RHOBTB3: variants seen among roughly 807,000 people sequenced by gnomAD.
RHOBTB3 encodes the protein Rho related BTB domain containing 3, also known as rho-related BTB domain-containing protein 3.
In RHOBTB3, 47 loss-of-function variants were observed where a neutral mutation model predicts 67.2. The ratio of observed to expected loss-of-function variants is 0.70; its 90% CI spans 0.55 to 0.89. The LOEUF (loss-of-function observed/expected upper bound fraction) is 0.89, where lower values mean the gene tolerates loss of function less well. Ranked by LOEUF, RHOBTB3 falls within the 40% of genes least tolerant of loss-of-function variation. RHOBTB3 has a pLI of 0.00. For synonymous variants in RHOBTB3, 273 were observed against 274.2 expected (o/e 1.00, Z 0.04); for missense variants, 631 against 750.0 (o/e 0.84, Z 1.85).
At chr5:95,750,734 G>C (rs1048239610) in intron 4 of RHOBTB3, among the ~76,000 whole-genome samples, 9 of 152,162 alleles carry the variant, frequency 5.9e-5, no homozygotes, top group African/African-American at 1.9e-4. Flanking sequence ...AGGCCTGCGG[G>C]GTGGCCAAAG....
intron 7 of RHOBTB3, among the ~76,000 whole-genome samples, chr5:95,765,807 G>T (rs1277326291): frequency 6.6e-6 from 1 of 152,052 alleles, no homozygotes; most frequent in Admixed American, 6.5e-5. Context: ...GACTACAGGC[G>T]CCCGCCACCA....
intron 8 of RHOBTB3, among the ~76,000 whole-genome samples, chr5:95,775,664 CAG>C: frequency 6.6e-6 from 1 of 151,776 alleles, no homozygotes; most frequent in East Asian, 1.9e-4. Flanking sequence ...AAATTATTAA[CAG>C]ACAGCTAAAT....
At chr5:95,767,657 A>G in intron 7 of RHOBTB3, 2 of 568,496 alleles carry the variant, frequency 3.5e-6, no homozygotes, top group Admixed American at 5.8e-5. Flanking sequence ...TTAATTACAA[A>G]TCAAGGACTG....
intron 4 of RHOBTB3, among the ~76,000 whole-genome samples, chr5:95,751,661 T>C (rs1381900898): frequency 1.3e-5 from 2 of 152,104 alleles, no homozygotes; most frequent in East Asian, 3.8e-4. Context: ...ACATGGTAGA[T>C]AGTTTTCTGA....
In RHOBTB3 at chr5:95,745,679, A is replaced by T. The variant is rs1373886744; in HGVS notation, c.416-2654A>T. Among the ~76,000 whole-genome samples the T allele has an allele frequency of 2.6e-5, 4 of 152,084 alleles. No individual in the cohort carries two copies. In the East Asian group the frequency reaches 7.7e-4, roughly 29 times the overall value. On this transcript the variant is annotated intron_variant, in intron 3 of 11. Coordinates refer to ENST00000379982, the MANE Select transcript of RHOBTB3 (RefSeq NM_014899.4). The stretch of plus-strand genomic sequence containing the variant: ...AAAATAGACAGCATTTTATGATAAC[A>T]TCTTAAGCATATAAGGGAAAAAAAG...
intron 9 of RHOBTB3, chr5:95,782,145 A>G (rs1387911949): frequency 6.6e-6 from 1 of 152,232 alleles, no homozygotes; most frequent in East Asian, 1.9e-4. Flanking sequence ...GTCAAAATGA[A>G]TAATCAAAAA....
In RHOBTB3 at chr5:95,740,943, G is replaced by A. The variant is rs558563401; in HGVS notation, c.415+3868G>A. Among the ~76,000 whole-genome samples, 6 of 152,212 alleles carry A rather than the reference G, an allele frequency of 3.9e-5. No individual in the cohort carries two copies. In the South Asian group the frequency reaches 8.3e-4, roughly 21 times the overall value. ...TCTTTATTCCTAATTACTTTAGCAT[G>A]TATCATCTAAGAACAAGGCCGTTAT... On this transcript the variant is annotated intron_variant, in intron 3 of 11. Transcript: ENST00000379982.
chr5:95,759,703 C>T (rs567403075), intron 6 of RHOBTB3, among the ~76,000 whole-genome samples: 1 of 152,308 alleles, frequency 6.6e-6, no homozygotes, highest in South Asian at 2.1e-4. Flanking sequence ...TTTGTTTTAA[C>T]ATTTTTAAAC....
rs565535124 is a variant in RHOBTB3 at position 95,742,497 on chromosome 5, ATTCTC to A, written c.415+5427_415+5431del. Among the ~76,000 whole-genome samples the A allele has an allele frequency of 5.8e-3, 883 of 152,018 alleles. 7 individuals carry two copies. Among genetic ancestry groups the A allele is most frequent in the Middle Eastern group, 0.02 (6 of 294 alleles). On this transcript the variant is annotated intron_variant, in intron 3 of 11. Coordinates refer to ENST00000379982, the MANE Select transcript of RHOBTB3 (RefSeq NM_014899.4). The stretch of plus-strand genomic sequence containing the variant: ...ATATCACCATCCATCCATTTTCTCT[ATTCTC>A]TTCTTTTGGGACTTTTGTTAGACTG...
At position 95,752,360 on chromosome 5, in the gene RHOBTB3, T is replaced by G; in HGVS notation, c.682+10T>G. 4.0e-6 allele frequency: 6 copies of G among 1,497,040 alleles called. No individual in the cohort carries two copies. The highest frequency in any genetic ancestry group is 5.6e-6 in the Non-Finnish European group (6 of 1,079,544). The allele number at this position is 1,497,040 out of a possible 1,614,324, so 92.7% of individuals were successfully genotyped here. A position where few individuals can be genotyped will look rare whatever the true frequency, so the allele number is the denominator to read the frequency against. ...CAACTTGAACAACCAGGTGCATTTCTTAGCCAATGTCTAGACATTCATTAA... is the reference window on the plus strand; with the variant it reads ...CAACTTGAACAACCAGGTGCATTTCGTAGCCAATGTCTAGACATTCATTAA... On this transcript the variant is annotated intron_variant, in intron 5 of 11. Coordinates refer to ENST00000379982, the MANE Select transcript of RHOBTB3 (RefSeq NM_014899.4).
At chr5:95,725,009 TAAAAAA>T (rs200594125) in intron 1 of RHOBTB3, among the ~76,000 whole-genome samples, 2 of 145,078 alleles carry the variant, frequency 1.4e-5, no homozygotes, top group East Asian at 4.0e-4. Context: ...CCCCATGTCT[TAAAAAA>T]AAAAAAATTA....
upstream of RHOBTB3, chr5:95,730,898 T>C (rs1375235235): frequency 2.2e-6 from 1 of 456,190 alleles, no homozygotes; most frequent in Admixed American, 2.3e-5. Context: ...GCAGACGTGG[T>C]AAAGCACTTT....
At chr5:95,724,195 G>A (rs1282343091) in intron 1 of RHOBTB3, among the ~76,000 whole-genome samples, 1 of 152,098 alleles carries the variant, frequency 6.6e-6, no homozygotes, top group African/African-American at 2.4e-5. Flanking sequence ...TTATTTAAAG[G>A]CTCTCTGAAA....
intron 6 of RHOBTB3, among the ~76,000 whole-genome samples, chr5:95,761,831 A>T (rs1745404427): frequency 6.6e-6 from 1 of 152,098 alleles, no homozygotes; most frequent in Admixed American, 6.5e-5. Context: ...GGGTTCTTAC[A>T]CTCTCACATT....
At chr5:95,789,135 C>G (rs1038823626) in intron 11 of RHOBTB3, 14 of 310,358 alleles carry the variant, frequency 4.5e-5, no homozygotes, top group African/African-American at 2.9e-4. Context: ...GATAAGGTGA[C>G]AAAATGTGTC....
At chr5:95,745,040 T>C (rs867145307) in intron 3 of RHOBTB3, among the ~76,000 whole-genome samples, 2,927 of 151,716 alleles carry the variant, frequency 0.019, 79 homozygotes, top group African/African-American at 0.063. Context: ...GCCACTGCAC[T>C]CCAGCCTGGG....
Position 95,731,653 on chromosome 5 carries a change from A to G in RHOBTB3, c.-30A>G. On this transcript the variant is annotated 5_prime_UTR_variant, in exon 1 of 12. Transcript: ENST00000379982. ...AGCCGTGAGCCGCTGCTTTTCTCCG[A>G]GTCGCCGCCCTGCCCTTGGATTTGA... is the stretch of plus-strand genomic sequence containing the variant. 1.2e-6 allele frequency: 2 copies of G among 1,612,904 alleles called. No individual in the cohort carries two copies. Among genetic ancestry groups the G allele is most frequent in the Non-Finnish European group, 1.7e-6 (2 of 1,179,658 alleles).
intron 3 of RHOBTB3, among the ~76,000 whole-genome samples, chr5:95,739,974 T>C (rs890113406): frequency 1.3e-5 from 2 of 152,226 alleles, no homozygotes; most frequent in Admixed American, 6.5e-5. Context: ...AAATCTCACG[T>C]TGAATTGTCA....
chr5:95,792,791 CAAAA>C (rs768296765), intron 11 of RHOBTB3, among the ~76,000 whole-genome samples: 2 of 69,658 alleles, frequency 2.9e-5, no homozygotes, highest in Admixed American at 1.6e-4. Context: ...GACTCCATCT[CAAAA>C]AAAAAAAAAA....
Sources: allele counts gnomAD v4.1 joint callset (sites outside exome capture counted in the v4.1 genomes callset), GRCh38; gene constraint gnomAD v4.1.1; transcripts MANE v1.5; gene names NCBI Gene and HGNC (gene_info 2026-07-23, HGNC 2026-07-21).